Variants in DMBT1 observed in about 807,000 individuals in gnomAD.
DMBT1 encodes deleted in malignant brain tumors 1, also known as scavenger receptor cysteine-rich domain-containing protein DMBT1.
A neutral mutation model predicts 252.9 loss-of-function variants in DMBT1; 198 were observed. That is an observed-to-expected ratio of 0.78 (90% CI 0.70 to 0.88). DMBT1 has a LOEUF of 0.88. Among genes scored for constraint, DMBT1 ranks in the 40% least tolerant of loss-of-function variants. The pLI is 0.00. For synonymous variants in DMBT1, 990 were observed against 942.7 expected, an observed-to-expected ratio of 1.05 and a Z score of -0.92; for missense variants, 2,432 against 2,404.7, an observed-to-expected ratio of 1.01 and a Z score of -0.24.
intron 44 of DMBT1, among the ~76,000 whole-genome samples, chr10:122,623,016 A>G (rs755264382): frequency 6.6e-6 from 1 of 151,900 alleles, no homozygotes; most frequent in Non-Finnish European, 1.5e-5. Flanking sequence ...GGACTTTTTC[A>G]TTATCCCCAA....
At chr10:122,619,429 C>G (rs372609278) in intron 42 of DMBT1, 92 bp downstream of exon 42, 2 of 1,533,100 alleles carry the variant, frequency 1.3e-6, no homozygotes, top group African/African-American at 1.4e-5. Context: ...CTTTTCTGTG[C>G]GGATACTGTG....
chr10:122,620,823 C>T (rs1389859472), intron 43 of DMBT1, among the ~76,000 whole-genome samples: 2 of 152,224 alleles, frequency 1.3e-5, no homozygotes, highest in Non-Finnish European at 2.9e-5. Context: ...CCTGTCACCT[C>T]CAGTGGGGTC....
intron 9 of DMBT1, 77 bp downstream of exon 9, chr10:122,578,836 G>C (rs893888574): frequency 2.8e-6 from 4 of 1,415,104 alleles, no homozygotes; most frequent in Non-Finnish European, 3.9e-6. Context: ...GTTCACTTAT[G>C]ATTGCCATAA....
intron 9 of DMBT1, among the ~76,000 whole-genome samples, chr10:122,579,267 G>A (rs2097743121): frequency 6.6e-6 from 1 of 152,256 alleles, no homozygotes; most frequent in Non-Finnish European, 1.5e-5. Flanking sequence ...AATAAGGGAG[G>A]GGTCTGGGCC....
chr10:122,634,378 TTCTTTC>T (rs1442521251), intron 52 of DMBT1, among the ~76,000 whole-genome samples: 3 of 136,172 alleles, frequency 2.2e-5, no homozygotes, highest in Admixed American at 7.4e-5. Flanking sequence ...CTTTCTTTCT[TTCTTTC>T]TTTCTTTCTT....
rs536688364 is a variant in DMBT1 at position 122,592,470 on chromosome 10, C to T, written c.2375C>T (p.Ser792Leu). The change falls in exon 20 of 56, where the codon TCA becomes TTA. Residue 792 changes from serine (S) to leucine (L), a missense_variant. Physicochemically the swap from Ser to Leu is moderately radical, Grantham distance 145. This residue lies in a region of DMBT1 where 1,264 missense variants were observed against 1,082.2 expected (regional missense o/e 1.17). Transcript: ENST00000338354. Reference protein sequence around the residue: ...APGNARFGQGSGPIVLDDVRC... With the variant: ...APGNARFGQGLGPIVLDDVRC... ...GGAAATGCCCGGTTTGGCCAGGGCT[C>T]AGGACCCATTGTTCTGGATGATGTG... 1.7e-5 allele frequency: 27 copies of T among 1,588,134 alleles called. 1 individual carries two copies. The highest frequency in any genetic ancestry group is 3.3e-4 in the Middle Eastern group (2 of 6,002).
intron 2 of DMBT1, among the ~76,000 whole-genome samples, chr10:122,568,403 CA>C (rs1406737854): frequency 6.6e-6 from 1 of 151,968 alleles, no homozygotes; most frequent in Non-Finnish European, 1.5e-5. Context: ...TGAGGTTCTC[CA>C]GGGGGAAAAT....
At position 122,579,670 on chromosome 10, in the gene DMBT1, G is replaced by T; in HGVS notation, c.772G>T (p.Val258Leu). 6.2e-7 allele frequency: 1 copy of T among 1,613,866 alleles called. No homozygotes were observed. Among genetic ancestry groups the T allele is most frequent in the Non-Finnish European group, 8.5e-7 (1 of 1,179,798 alleles). Residue 258 changes from valine (V) to leucine (L), a missense_variant, in exon 10 of 56, where the codon GTG becomes TTG. Transcript: ENST00000338354. Reference protein sequence around the residue: ...EVLYRGSWGTVCDDYWDTNDA... With the variant: ...EVLYRGSWGTLCDDYWDTNDA... ...CCTATACCGAGGCTCCTGGGGCACC[G>T]TGTGTGATGACTACTGGGACACCAA...
intron 2 of DMBT1, 99 bp from the exon 3 acceptor site, chr10:122,570,063 C>A: frequency 1.8e-6 from 2 of 1,121,338 alleles, no homozygotes; most frequent in Middle Eastern, 2.0e-4. Flanking sequence ...GCCCTTAGGC[C>A]CTGGCTTCCA....
intron 55 of DMBT1, 54 bp downstream of exon 55, chr10:122,640,503 T>G: frequency 2.0e-6 from 3 of 1,537,580 alleles, no homozygotes; most frequent in South Asian, 1.3e-5. Context: ...AACTCAAACA[T>G]GAGTAGCCCC....
rs754917957 is a variant in DMBT1 at position 122,631,267 on chromosome 10, G to C, written c.6332G>C (p.Gly2111Ala). The change falls in exon 49 of 56, where the codon GGT becomes GCT. Residue 2111 changes from glycine to alanine, a missense_variant. Gly to Ala is a moderately conservative substitution (Grantham distance 60). This residue lies in a region of DMBT1 where 1,162 missense variants were observed against 1,169.0 expected (regional missense o/e 0.99). Coordinates refer to ENST00000338354, the MANE Select transcript of DMBT1 (RefSeq NM_001377530.1). ...AACTGTAATCATCGTGAAGATGCTG[G>C]TGTCATCTGCTCAGGTATGGCCCAA... ...SHNCNHREDA[G>A]VICSGNHLST... The C allele has an allele frequency of 3.1e-6, 5 of 1,613,956 alleles. No homozygotes were observed. Among genetic ancestry groups the C allele is most frequent in the Non-Finnish European group, 4.2e-6 (5 of 1,179,854 alleles).
At chr10:122,574,816 G>T (rs2097697519) in intron 6 of DMBT1, among the ~76,000 whole-genome samples, 1 of 152,200 alleles carries the variant, frequency 6.6e-6, no homozygotes. Context: ...GTATTTGGCT[G>T]ATCTGCCTGT....
chr10:122,631,953 T>G (rs2098168688), intron 50 of DMBT1, 78 bp downstream of exon 50: 39 of 1,492,598 alleles, frequency 2.6e-5, no homozygotes, highest in Non-Finnish European at 3.6e-5. Context: ...GTGCAGGGCA[T>G]GTTGCTCACT....
chr10:122,634,445 TCTCTCTCTCTC>T (rs1566008149), intron 52 of DMBT1, among the ~76,000 whole-genome samples: 24 of 65,014 alleles, frequency 3.7e-4, no homozygotes, highest in African/African-American at 1.9e-3. Context: ...TCTCTCTCTC[TCTCTCTCTCTC>T]TCTCTCTCTC....
intron 1 of DMBT1, among the ~76,000 whole-genome samples, chr10:122,564,912 G>A (rs3019512): frequency 0.67 from 101,667 of 151,720 alleles, 34,404 homozygotes; most frequent in East Asian, 0.77. Context: ...AATTATTGCA[G>A]AAACATCTTC....
At chr10:122,598,192 A>C (rs1267919562) in intron 25 of DMBT1, among the ~76,000 whole-genome samples, 180 bp downstream of exon 25, 1 of 151,934 alleles carries the variant, frequency 6.6e-6, no homozygotes, top group Non-Finnish European at 1.5e-5. Context: ...TGGAGGCTGG[A>C]GGGTGCTGGT....
In DMBT1 at chr10:122,598,866, G is replaced by A. The variant is rs565618253; in HGVS notation, c.3049G>A (p.Val1017Met). ...EVLYQGSWGT[V>M]CDDSWDTNDA... ...CCTATACCAAGGCTCCTGGGGCACC[G>A]TGTGCGATGACAGCTGGGACACCAA... Residue 1017 changes from valine (V) to methionine (M), a missense_variant, in exon 26 of 56, where the codon GTG becomes ATG. Around this residue, in one of 3 missense-constraint regions of DMBT1, gnomAD observed 1,264 missense variants for 1,082.2 expected, o/e 1.17. Transcript: ENST00000338354. 570 of 1,613,856 alleles carry A rather than the reference G, an allele frequency of 3.5e-4. 7 individuals carry two copies. In the South Asian group the frequency reaches 6.0e-3, roughly 17 times the overall value.
chr10:122,636,209 C>A lies in DMBT1; in HGVS notation c.6757+10C>A. The A allele has an allele frequency of 6.2e-7, 1 of 1,608,270 alleles. No individual in the cohort carries two copies. On this transcript the variant is annotated intron_variant, in intron 53 of 55. Coordinates refer to ENST00000338354, the MANE Select transcript of DMBT1 (RefSeq NM_001377530.1). The stretch of plus-strand genomic sequence containing the variant: ...TCCAATGACAGCACCAGTAAGTCCC[C>A]TTGTGGAAATGCTCTGTTGGGACTG...
In DMBT1 at chr10:122,631,805, C is replaced by G. The variant is rs1163817376; in HGVS notation, c.6347-50C>G. On this transcript the variant is annotated intron_variant, in intron 49 of 55. Coordinates refer to ENST00000338354, the MANE Select transcript of DMBT1 (RefSeq NM_001377530.1). ...TATCTCTGTCTCATTCCGGCCCCTC[C>G]TCCAAGCCACATGTCTGTGACCTAT... 6 of 1,610,470 alleles carry G rather than the reference C, an allele frequency of 3.7e-6. No homozygotes were observed. The South Asian group carries it at 6.6e-5, about 18-fold the overall frequency.
Sources: allele counts gnomAD v4.1 joint callset (sites outside exome capture counted in the v4.1 genomes callset), GRCh38; gene constraint gnomAD v4.1.1; regional missense constraint gnomAD v4.1.1; transcripts MANE v1.5; gene names NCBI Gene and HGNC (gene_info 2026-07-23, HGNC 2026-07-21).